The following ATXN7 variants were observed in gnomAD, a reference collection of about 807,000 sequenced individuals.
ATXN7 encodes ataxin-7.
A neutral mutation model predicts 70.5 loss-of-function variants in ATXN7; 12 were observed. The observed-to-expected ratio is 0.17, with a 90% CI of 0.11 to 0.28. ATXN7 has a LOEUF of 0.28. Among genes scored for constraint, ATXN7 ranks in the 10% least tolerant of loss-of-function variants. The pLI, the probability that ATXN7 is intolerant of heterozygous loss-of-function variation, is 1.00. For missense variants in ATXN7, 1,256 were observed against 1,131.7 expected, an observed-to-expected ratio of 1.11 and a Z score of -1.58; for synonymous variants, 498 against 448.7, an observed-to-expected ratio of 1.11 and a Z score of -1.39.
At chr3:63,931,040 A>C (rs1196445030) in intron 4 of ATXN7, among the ~76,000 whole-genome samples, 1 of 152,206 alleles carries the variant, frequency 6.6e-6, no homozygotes, top group Non-Finnish European at 1.5e-5. Flanking sequence ...AAGGTGAGAC[A>C]CAAGGATCTA....
intron 5 of ATXN7, among the ~76,000 whole-genome samples, chr3:63,977,138 G>A (rs904695039): frequency 4.6e-5 from 7 of 152,162 alleles, no homozygotes; most frequent in African/African-American, 1.7e-4. Context: ...GTTTTCCTAC[G>A]TGGCTCATTT....
chr3:63,908,229 C>G (rs1383048160), intron 2 of ATXN7, among the ~76,000 whole-genome samples: 1 of 152,200 alleles, frequency 6.6e-6, no homozygotes, highest in African/African-American at 2.4e-5. Context: ...TCAATTTACT[C>G]TTTCCACTGT....
intron 4 of ATXN7, among the ~76,000 whole-genome samples, chr3:63,920,881 CATT>C (rs1000144858): frequency 1.1e-4 from 16 of 151,816 alleles, no homozygotes; most frequent in East Asian, 5.8e-4. Flanking sequence ...CTTTTAATCA[CATT>C]GTTGTTGAAA....
Position 63,996,307 on chromosome 3 carries a change from C to T in ATXN7, c.2485C>T (p.Leu829=). The change falls in exon 12 of 13, where the codon CTA becomes TTA. Residue 829 remains leucine, a synonymous_variant. Transcript: ENST00000674280. ...HGSFSHSHTP[L]DKLIGKKRKC... ...CAGTTTTTCCCACTCACACACTCCT[C>T]TAGACAAACTCATAGGAAAGAAAAG... is the stretch of plus-strand genomic sequence containing the variant. 6 of 1,614,190 alleles carry T rather than the reference C, an allele frequency of 3.7e-6. No individual in the cohort carries two copies. The highest frequency in any genetic ancestry group is 5.1e-6 in the Non-Finnish European group (6 of 1,180,040).
intron 4 of ATXN7, among the ~76,000 whole-genome samples, chr3:63,939,222 C>T (rs2074714362): frequency 6.6e-6 from 1 of 152,174 alleles, no homozygotes; most frequent in African/African-American, 2.4e-5. Context: ...TCCATCCATC[C>T]TGTTCTGTAA....
At chr3:63,925,766 A>G (rs934988167) in intron 4 of ATXN7, among the ~76,000 whole-genome samples, 10 of 152,156 alleles carry the variant, frequency 6.6e-5, no homozygotes, top group African/African-American at 1.9e-4. Context: ...AGAAGTAGAG[A>G]TCAGGAAAGG....
intron 12 of ATXN7, chr3:63,997,751 G>C (rs1269362488): frequency 1.3e-6 from 2 of 1,538,664 alleles, no homozygotes; most frequent in Admixed American, 4.1e-5. Flanking sequence ...TCAAATGCCA[G>C]CCGGGTTAGG....
At chr3:63,963,559 C>A (rs999202537) in intron 5 of ATXN7, among the ~76,000 whole-genome samples, 2 of 152,094 alleles carry the variant, frequency 1.3e-5, no homozygotes, top group East Asian at 1.9e-4. Flanking sequence ...CATAGAATCA[C>A]GTATTTTATT....
chr3:63,927,714 A>G (rs1190917453), intron 4 of ATXN7, among the ~76,000 whole-genome samples: 1 of 152,148 alleles, frequency 6.6e-6, no homozygotes, highest in Admixed American at 6.5e-5. Context: ...GCCTCTGAAT[A>G]GGATATTTAT....
chr3:63,999,551 T>C lies in ATXN7; in HGVS notation c.*84T>C, dbSNP rs762787169. The C allele has an allele frequency of 5.7e-6, 9 of 1,589,476 alleles. No homozygotes were observed. The Admixed American group carries it at 1.2e-4, about 22-fold the overall frequency. On this transcript the variant is annotated 3_prime_UTR_variant, in exon 13 of 13. Transcript: ENST00000674280. Reference sequence around the variant, plus strand: ...CCACTCAGCACTCTGGACTCCACGATGCCTTTGAGTCTGTTTTCCCAACCT... The same window carrying C: ...CCACTCAGCACTCTGGACTCCACGACGCCTTTGAGTCTGTTTTCCCAACCT...
At chr3:63,908,593 T>C (rs1245441936) in intron 2 of ATXN7, among the ~76,000 whole-genome samples, 1 of 152,246 alleles carries the variant, frequency 6.6e-6, no homozygotes, top group African/African-American at 2.4e-5. Context: ...TTTTCAAGTT[T>C]ATTAAAATGT....
At chr3:63,968,451 ATCTT>A (rs1258476661) in intron 5 of ATXN7, 1 of 152,830 alleles carries the variant, frequency 6.5e-6, no homozygotes, top group African/African-American at 2.4e-5. Flanking sequence ...TTTGTTTTTT[ATCTT>A]ACTTGTGGTA....
intron 4 of ATXN7, among the ~76,000 whole-genome samples, chr3:63,916,064 G>T (rs558232057): frequency 3.9e-5 from 6 of 152,318 alleles, no homozygotes; most frequent in Non-Finnish European, 7.4e-5. Flanking sequence ...GGACCTAGGG[G>T]TTAGAAAGCC....
chr3:63,976,165 C>A (rs918037833), intron 5 of ATXN7, among the ~76,000 whole-genome samples: 1 of 152,192 alleles, frequency 6.6e-6, no homozygotes. Flanking sequence ...CTCTTCTGAT[C>A]TGGGAGCAAA....
chr3:63,919,915 G>A (rs750761225), intron 4 of ATXN7, among the ~76,000 whole-genome samples: 2 of 151,822 alleles, frequency 1.3e-5, no homozygotes, highest in Non-Finnish European at 2.9e-5. Context: ...CTCATGGTAT[G>A]TAAATATGCA....
At chr3:63,959,726 T>C (rs773807826) in intron 5 of ATXN7, among the ~76,000 whole-genome samples, 7 of 152,194 alleles carry the variant, frequency 4.6e-5, no homozygotes, top group African/African-American at 7.2e-5. Flanking sequence ...AATAAAGTTA[T>C]GTCATTTGTA....
chr3:63,951,255 G>T (rs2106655381), intron 4 of ATXN7, among the ~76,000 whole-genome samples: 1 of 152,004 alleles, frequency 6.6e-6, no homozygotes, highest in East Asian at 1.9e-4. Flanking sequence ...GTAGATACTA[G>T]ATCAGTAATT....
chr3:63,912,678 C>T lies in ATXN7; in HGVS notation c.80C>T (p.Ala27Val), dbSNP rs1292080209. ...AAAAGGAAAA[A>V]ARQQQQQQQQ... ...GCGGCGGGCGGAGCAGCGGCCGCGG[C>T]CGCCCGGCAGCAGCAGCAGCAGCAG... The change falls in exon 3 of 13, where the codon GCC becomes GTC. Residue 27 changes from alanine to valine, a missense_variant. By Grantham distance (64) the Ala-to-Val change is moderately conservative. Coordinates refer to ENST00000674280, the MANE Select transcript of ATXN7 (RefSeq NM_001377405.1). 2 of 1,023,470 alleles carry T rather than the reference C, an allele frequency of 2.0e-6. No individual in the cohort carries two copies. The highest frequency in any genetic ancestry group is 2.4e-6 in the Non-Finnish European group (2 of 844,394). The allele number at this position is 1,023,470 out of a possible 1,614,324, so 63.4% of individuals were successfully genotyped here. A position where few individuals can be genotyped will look rare whatever the true frequency, so the allele number is the denominator to read the frequency against.
intron 4 of ATXN7, among the ~76,000 whole-genome samples, chr3:63,944,434 C>T (rs1232802874): frequency 6.6e-6 from 1 of 152,078 alleles, no homozygotes; most frequent in East Asian, 1.9e-4. Flanking sequence ...AGGAGTTGAT[C>T]TGATAACTAC....
Sources: allele counts gnomAD v4.1 joint callset (sites outside exome capture counted in the v4.1 genomes callset), GRCh38; gene constraint gnomAD v4.1.1; transcripts MANE v1.5; gene names NCBI Gene and HGNC (gene_info 2026-07-23, HGNC 2026-07-21).